The following DSCAM variants were observed in gnomAD, a reference collection of about 807,000 sequenced individuals.
DSCAM encodes the protein DS cell adhesion molecule.
A neutral mutation model predicts 217.7 loss-of-function variants in DSCAM; 47 were observed. The observed-to-expected ratio is 0.22, with a 90% CI of 0.17 to 0.28. The LOEUF is 0.28. Among genes scored for constraint, DSCAM ranks in the 10% least tolerant of loss-of-function variants. DSCAM has a pLI of 1.00. For synonymous variants in DSCAM, 1,056 were observed against 1,015.3 expected (o/e 1.04, Z -0.76); for missense variants, 2,080 against 2,618.3 (o/e 0.79, Z 4.49).
intron 8 of DSCAM, among the ~76,000 whole-genome samples, chr21:40,312,938 C>A (rs1268625335): frequency 6.6e-6 from 1 of 151,742 alleles, no homozygotes; most frequent in Non-Finnish European, 1.5e-5. Context: ...CATAACGGGA[C>A]CCCCATATCT....
chr21:40,429,175 T>C (rs1428386321), intron 3 of DSCAM, among the ~76,000 whole-genome samples: 6 of 152,206 alleles, frequency 3.9e-5, no homozygotes, highest in African/African-American at 1.4e-4. Context: ...CAACTGCAGA[T>C]TTCCAATTTT....
intron 3 of DSCAM, among the ~76,000 whole-genome samples, chr21:40,629,860 G>A (rs941175598): frequency 2.6e-5 from 4 of 152,062 alleles, no homozygotes; most frequent in Non-Finnish European, 5.9e-5. Context: ...TGGAGACCTG[G>A]CATCTACTAT....
intron 11 of DSCAM, among the ~76,000 whole-genome samples, chr21:40,275,403 T>C (rs1287913239): frequency 2.0e-5 from 3 of 152,112 alleles, no homozygotes; most frequent in Admixed American, 2.0e-4. Flanking sequence ...CGATGGAAAA[T>C]TCCATAAATG....
At chr21:40,844,116 T>C (rs888030975) in intron 1 of DSCAM, among the ~76,000 whole-genome samples, 14 of 152,188 alleles carry the variant, frequency 9.2e-5, no homozygotes, top group Admixed American at 7.9e-4. Context: ...ATGACAGTTG[T>C]TGACAAAAAT....
chr21:40,846,232 T>A (rs1301260192), intron 1 of DSCAM, among the ~76,000 whole-genome samples: 2 of 152,126 alleles, frequency 1.3e-5, no homozygotes, highest in African/African-American at 4.8e-5. Context: ...ACCCCTCCAC[T>A]TGCGTGCACT....
intron 1 of DSCAM, among the ~76,000 whole-genome samples, chr21:40,749,443 A>G (rs2091206071): frequency 1.3e-5 from 2 of 152,204 alleles, no homozygotes; most frequent in South Asian, 4.1e-4. Context: ...AAAGGAAGAC[A>G]TACAAATGGC....
intron 1 of DSCAM, among the ~76,000 whole-genome samples, chr21:40,719,849 G>A (rs1468234814): frequency 6.6e-6 from 1 of 152,150 alleles, no homozygotes; most frequent in Non-Finnish European, 1.5e-5. Context: ...TGCAGGCTAT[G>A]TTCTTTTTCT....
chr21:40,620,441 GGGAAA>G (rs1341250091), intron 3 of DSCAM, among the ~76,000 whole-genome samples: 1 of 139,968 alleles, frequency 7.1e-6, no homozygotes, highest in East Asian at 2.3e-4. Flanking sequence ...GGGGAAGGGA[GGGAAA>G]GGAAAGGAAA....
At chr21:40,109,318 C>G (rs181372882) in intron 20 of DSCAM, among the ~76,000 whole-genome samples, 1 of 152,120 alleles carries the variant, frequency 6.6e-6, no homozygotes, top group African/African-American at 2.4e-5. Flanking sequence ...ATAAACAATC[C>G]GATAAAACGT....
At chr21:40,069,121 A>G (rs2089252729) in intron 27 of DSCAM, among the ~76,000 whole-genome samples, 1 of 151,990 alleles carries the variant, frequency 6.6e-6, no homozygotes, top group African/African-American at 2.4e-5. Flanking sequence ...AAGAAAGAAA[A>G]TTGGGGCATC....
intron 3 of DSCAM, among the ~76,000 whole-genome samples, chr21:40,428,036 T>C (rs9980632): frequency 0.31 from 47,211 of 152,102 alleles, 9,038 homozygotes; most frequent in South Asian, 0.43. Flanking sequence ...CCATCTTTCT[T>C]GTCTGTCCTC....
At chr21:40,453,774 G>A (rs1406797763) in intron 3 of DSCAM, among the ~76,000 whole-genome samples, 1 of 152,210 alleles carries the variant, frequency 6.6e-6, no homozygotes, top group African/African-American at 2.4e-5. Flanking sequence ...AGTACAAACA[G>A]TCCCTGCCCT....
At chr21:40,734,018 CT>C (rs2146530402) in intron 1 of DSCAM, among the ~76,000 whole-genome samples, 1 of 152,340 alleles carries the variant, frequency 6.6e-6, no homozygotes, top group East Asian at 1.9e-4. Context: ...CCCGACATCA[CT>C]TACTGTTGAA....
At chr21:40,785,932 A>G (rs1171678588) in intron 1 of DSCAM, among the ~76,000 whole-genome samples, 1 of 152,164 alleles carries the variant, frequency 6.6e-6, no homozygotes, top group Non-Finnish European at 1.5e-5. Context: ...ATATGCAATT[A>G]TCTCATCTAA....
chr21:40,085,784 A>G lies in DSCAM; in HGVS notation c.3969-19T>C. ...CCCGTTACTGCCTCACAGGAAGAAA[A>G]ATGCACAGATTAAAGAAATTACAAT... On this transcript the variant is annotated intron_variant, in intron 22 of 32. Transcript: ENST00000400454. 6.8e-7 allele frequency: 1 copy of G among 1,476,502 alleles called. No homozygotes were observed. The highest frequency in any genetic ancestry group is 9.1e-7 in the Non-Finnish European group (1 of 1,097,446). 91.5% of individuals were successfully genotyped at this position (1,476,502 alleles called of 1,614,324 possible). A position where few individuals can be genotyped will look rare whatever the true frequency, so the allele number is the denominator to read the frequency against.
At chr21:40,211,975 TG>T (rs1242833595) in intron 11 of DSCAM, among the ~76,000 whole-genome samples, 1 of 148,602 alleles carries the variant, frequency 6.7e-6, no homozygotes, top group Non-Finnish European at 1.5e-5. Flanking sequence ...TTTTTTTTTT[TG>T]GTGTGGGGGG....
At position 40,502,370 on chromosome 21, in the gene DSCAM, T is replaced by C. The variant is rs530023920; in HGVS notation, c.509-133125A>G. 2.6e-5 allele frequency among the ~76,000 whole-genome samples: 4 copies of C among 152,310 alleles called. No individual in the cohort carries two copies. In the East Asian group the frequency reaches 5.8e-4, roughly 22 times the overall value. ...TAATTTGATAACTGTATTAGTTTAC[T>C]ATTGCTGCTGTAACAAATCGCCACA... On this transcript the variant is annotated intron_variant, in intron 3 of 32. Transcript: ENST00000400454.
chr21:40,111,828 C>A (rs1215695226), intron 20 of DSCAM, among the ~76,000 whole-genome samples: 1 of 152,000 alleles, frequency 6.6e-6, no homozygotes. Context: ...AAGGCCATTA[C>A]ATAATGGTAA....
At chr21:40,677,265 G>C (rs2090350713) in intron 3 of DSCAM, among the ~76,000 whole-genome samples, 1 of 152,104 alleles carries the variant, frequency 6.6e-6, no homozygotes, top group Non-Finnish European at 1.5e-5. Context: ...ACAAATAAGA[G>C]ATCAGAGAAA....
Sources: gnomAD v4.1 joint callset for allele counts (sites outside exome capture counted in the v4.1 genomes callset) on GRCh38, gnomAD v4.1.1 for gene constraint, MANE v1.5 for transcripts, NCBI Gene and HGNC (gene_info 2026-07-23, HGNC 2026-07-21) for gene names.